The following ZNF326 variants were observed in gnomAD, a reference collection of about 807,000 sequenced individuals.
ZNF326 encodes the protein zinc finger protein 326, also known as DBIRD complex subunit ZNF326.
In ZNF326, 30 loss-of-function variants were observed where a neutral mutation model predicts 63.1. That is an observed-to-expected ratio of 0.48 (90% CI 0.36 to 0.64). ZNF326 has a LOEUF of 0.64. Ranked by LOEUF, ZNF326 falls within the 30% of genes least tolerant of loss-of-function variation. ZNF326 has a pLI of 0.00. For synonymous variants in ZNF326, 194 were observed against 228.2 expected, an observed-to-expected ratio of 0.85 and a Z score of 1.35; for missense variants, 609 against 720.3, an observed-to-expected ratio of 0.85 and a Z score of 1.77.
intron 3 of ZNF326, 26 bp from the exon 4 acceptor site, chr1:90,005,107 A>G (rs1648913212): frequency 6.2e-7 from 1 of 1,613,774 alleles, no homozygotes; most frequent in African/African-American, 1.3e-5. Flanking sequence ...GCATCATATA[A>G]CTTTTTTCTT....
chr1:90,014,939 A>C (rs1649429959), intron 7 of ZNF326, among the ~76,000 whole-genome samples: 1 of 152,132 alleles, frequency 6.6e-6, no homozygotes, highest in Non-Finnish European at 1.5e-5. Flanking sequence ...TTTCTCATGA[A>C]AAATTTTAGA....
rs79628199 is a variant in ZNF326, at chr1:90,030,340, C to G, written c.*2639C>G. On this transcript the variant is annotated 3_prime_UTR_variant, in exon 12 of 12. Transcript: ENST00000340281. Reference sequence around the variant, plus strand: ...TAATTCAGATGATGTTAATCTCATGCTTTTTTTTTTTTTGTACCTATACAG... The same window carrying G: ...TAATTCAGATGATGTTAATCTCATGGTTTTTTTTTTTTTGTACCTATACAG... 1.4e-5 allele frequency: 2 copies of G among 143,528 alleles called. No homozygotes were observed. The highest frequency in any genetic ancestry group is 5.1e-5 in the African/African-American group (2 of 39,214). The allele number at this position is 143,528 out of a possible 1,614,324, so 8.9% of individuals were successfully genotyped here.
At chr1:90,002,339 GAAAT>G (rs59948569) in intron 2 of ZNF326, among the ~76,000 whole-genome samples, 307 of 152,240 alleles carry the variant, frequency 2.0e-3, no homozygotes, top group African/African-American at 6.9e-3. Flanking sequence ...TGATTATAGT[GAAAT>G]AAATAGAACA....
At chr1:90,000,012 G>A (rs1435947913) in intron 2 of ZNF326, among the ~76,000 whole-genome samples, 1 of 152,174 alleles carries the variant, frequency 6.6e-6, no homozygotes, top group African/African-American at 2.4e-5. Context: ...TATGTTAGAT[G>A]ATGATCATTG....
chr1:89,996,884 G>A (rs931623571), intron 1 of ZNF326, among the ~76,000 whole-genome samples: 1 of 152,232 alleles, frequency 6.6e-6, no homozygotes, highest in Non-Finnish European at 1.5e-5. Context: ...GTATAGCAGA[G>A]GCTAACAAAG....
intron 8 of ZNF326, among the ~76,000 whole-genome samples, chr1:90,018,152 C>T (rs890723213): frequency 2.0e-5 from 3 of 151,902 alleles, no homozygotes; most frequent in Non-Finnish European, 4.4e-5. Context: ...ATTAGCCAGG[C>T]GTGGTGGCGC....
Position 90,005,125 on chromosome 1 carries a change from T to C in ZNF326, c.98-8T>C. The C allele has an allele frequency of 5.0e-6, 8 of 1,614,036 alleles. No individual in the cohort carries two copies. The highest frequency in any genetic ancestry group is 6.8e-6 in the Non-Finnish European group (8 of 1,179,994). On this transcript the variant is annotated splice_region_variant and splice_polypyrimidine_tract_variant and intron_variant, in intron 3 of 11. Transcript: ENST00000340281. Reference sequence around the variant, plus strand: ...TCATATAACTTTTTTCTTTTTAAACTCTTATAGGGATGGATCGTGACTATG... The same window carrying C: ...TCATATAACTTTTTTCTTTTTAAACCCTTATAGGGATGGATCGTGACTATG...
At position 90,010,093 on chromosome 1, in the gene ZNF326, G is replaced by T; in HGVS notation, c.621G>T (p.Met207Ile). Reference protein sequence around the residue: ...STGRGRGRGHMGDFGSIHRPG... With the variant: ...STGRGRGRGHIGDFGSIHRPG... The stretch of plus-strand genomic sequence containing the variant: ...TTGATTTCACAAATTTACAGCATAT[G>T]GGTGATTTTGGAAGCATTCATAGAC... Residue 207 changes from methionine to isoleucine, a missense_variant, in exon 6 of 12, where the codon ATG (methionine) becomes ATT (isoleucine). Physicochemically the swap from Met to Ile is conservative, Grantham distance 10 (BLOSUM62 1). Transcript: ENST00000340281. The T allele has an allele frequency of 8.1e-6, 13 of 1,613,564 alleles. No homozygotes were observed. The highest frequency in any genetic ancestry group is 1.1e-5 in the Non-Finnish European group (13 of 1,179,676).
At chr1:90,005,608 TA>T (rs942412044) in intron 4 of ZNF326, 5 of 919,156 alleles carry the variant, frequency 5.4e-6, no homozygotes, top group South Asian at 5.0e-5. Context: ...TCTTAATAAT[TA>T]AAAAAAATCT....
At position 90,030,322 on chromosome 1, in the gene ZNF326, G is replaced by C. The variant is rs1322509006; in HGVS notation, c.*2621G>C. 1 of 151,296 alleles carries C rather than the reference G, an allele frequency of 6.6e-6. No individual in the cohort carries two copies. The highest frequency in any genetic ancestry group is 1.9e-4 in the East Asian group (1 of 5,166). The allele number at this position is 151,296 out of a possible 1,614,324, so 9.4% of individuals were successfully genotyped here. The stretch of plus-strand genomic sequence containing the variant: ...TATAAGCTTTTAAAAATGTAATTCA[G>C]ATGATGTTAATCTCATGCTTTTTTT... On this transcript the variant is annotated 3_prime_UTR_variant, in exon 12 of 12. Coordinates refer to ENST00000340281, the MANE Select transcript of ZNF326 (RefSeq NM_182976.4).
intron 1 of ZNF326, among the ~76,000 whole-genome samples, chr1:89,997,607 C>G (rs1177613544): frequency 2.0e-5 from 3 of 152,146 alleles, no homozygotes; most frequent in African/African-American, 7.2e-5. Context: ...CTCCTGACCT[C>G]GTGACCCGCC....
intron 8 of ZNF326, among the ~76,000 whole-genome samples, chr1:90,017,885 AGGGAAAGACAGTTG>A (rs1649575301): frequency 6.6e-6 from 1 of 152,222 alleles, no homozygotes; most frequent in Non-Finnish European, 1.5e-5. Flanking sequence ...AGTTTAGCAA[AGGGAAAGACAGTTG>A]GGAATGTTAA....
At chr1:90,009,985 T>C in intron 5 of ZNF326, 103 bp from the exon 6 acceptor site, 1 of 1,140,508 alleles carries the variant, frequency 8.8e-7, no homozygotes, top group Non-Finnish European at 1.2e-6. Flanking sequence ...TTCCAGGGAA[T>C]TTTCAGGTGA....
rs201232871 is a variant in ZNF326 at position 89,998,110 on chromosome 1, A to T, written c.17A>T (p.Asp6Val). The T allele has an allele frequency of 5.0e-6, 8 of 1,612,814 alleles. No individual in the cohort carries two copies. In the East Asian group the frequency reaches 1.8e-4, roughly 36 times the overall value. Residue 6 changes from aspartate (D) to valine (V), a missense_variant and splice_region_variant, in exon 2 of 12, where the codon GAT becomes GTT. This residue lies in a region of ZNF326 where 97 missense variants were observed against 88.7 expected (regional missense o/e 1.09). Coordinates refer to ENST00000340281, the MANE Select transcript of ZNF326 (RefSeq NM_182976.4). MDFED[D>V]YTHSACRNTY... is the part of the protein sequence containing the mutation. ...CTTTTTGTTAAATGTGTCTTCATAG[A>T]TTACACACACTCCGCCTGCAGGAAT...
At chr1:90,011,091 G>A (rs1033575930) in intron 6 of ZNF326, among the ~76,000 whole-genome samples, 2 of 152,102 alleles carry the variant, frequency 1.3e-5, no homozygotes, top group Non-Finnish European at 2.9e-5. Flanking sequence ...GTTAAATATT[G>A]CAAAAGTTTG....
At chr1:90,013,375 GT>G in intron 7 of ZNF326, 138 bp downstream of exon 7, 1 of 646,778 alleles carries the variant, frequency 1.5e-6, no homozygotes, top group Non-Finnish European at 2.4e-6. Flanking sequence ...AATGCTTTTG[GT>G]TTTTGATATT....
chr1:90,006,154 G>T (rs1003638842), intron 4 of ZNF326: 2 of 985,232 alleles, frequency 2.0e-6, no homozygotes, highest in African/African-American at 3.5e-5. Context: ...ATGGTTTATA[G>T]TAAAGAAAAA....
In ZNF326 at chr1:90,034,432, TAGA is replaced by T. The variant is rs1650407034; in HGVS notation, c.*6732_*6734del. On this transcript the variant is annotated 3_prime_UTR_variant, in exon 12 of 12. Transcript: ENST00000340281. ...AAATTGTCAGATAAAGAGTTCAAAATAGAGGAAACATTTTGAATTATATAGTGC... is the reference window on the plus strand; with the variant it reads ...AAATTGTCAGATAAAGAGTTCAAAATGGAAACATTTTGAATTATATAGTGC... 6.6e-6 allele frequency: 1 copy of T among 152,130 alleles called. No individual in the cohort carries two copies. Among genetic ancestry groups the T allele is most frequent in the Non-Finnish European group, 1.5e-5 (1 of 67,992 alleles). The allele number at this position is 152,130 out of a possible 1,614,324, so 9.4% of individuals were successfully genotyped here.
At chr1:90,020,635 T>C (rs1002736002) in intron 9 of ZNF326, among the ~76,000 whole-genome samples, 157 bp from the exon 10 acceptor site, 5 of 152,112 alleles carry the variant, frequency 3.3e-5, no homozygotes, top group Admixed American at 1.3e-4. Context: ...TATGTAGATT[T>C]ATGAGATGTG....
Sources: gnomAD v4.1 joint callset for allele counts (sites outside exome capture counted in the v4.1 genomes callset) on GRCh38, gnomAD v4.1.1 for gene constraint, gnomAD v4.1.1 regional missense constraint, MANE v1.5 for transcripts, NCBI Gene and HGNC (gene_info 2026-07-23, HGNC 2026-07-21) for gene names.